RBBP6: variants seen among roughly 807,000 people sequenced by gnomAD.
RBBP6 encodes the protein E3 ubiquitin-protein ligase RBBP6.
In RBBP6, 25 loss-of-function variants were observed where a neutral mutation model predicts 167.7. That is an observed-to-expected ratio of 0.15 (90% CI 0.11 to 0.21). The LOEUF (loss-of-function observed/expected upper bound fraction) is 0.21, where lower values mean the gene tolerates loss of function less well. Ranked by LOEUF, RBBP6 falls within the 10% of genes least tolerant of loss-of-function variation. RBBP6 has a pLI of 1.00. For synonymous variants in RBBP6, 789 were observed against 735.8 expected (o/e 1.07, Z -1.17); for missense variants, 1,868 against 2,134.2 (o/e 0.88, Z 2.46).
At chr16:24,553,972 T>C (rs1898858767) in intron 4 of RBBP6, 2 of 154,998 alleles carry the variant, frequency 1.3e-5, no homozygotes, top group Admixed American at 1.3e-4. Flanking sequence ...TTTGACTTGA[T>C]CCCATGAAGG....
intron 4 of RBBP6, chr16:24,555,399 C>T (rs1260107424): frequency 1.1e-5 from 5 of 449,864 alleles, no homozygotes; most frequent in Non-Finnish European, 2.0e-5. Context: ...GGTTTGAGTG[C>T]CCCCAGAATG....
chr16:24,546,543 G>A (rs1413254303), intron 2 of RBBP6, among the ~76,000 whole-genome samples: 1 of 152,124 alleles, frequency 6.6e-6, no homozygotes, highest in Admixed American at 6.6e-5. Context: ...CATTATTTCT[G>A]TGCCTTTCTT....
chr16:24,568,921 A>T lies in RBBP6; in HGVS notation c.2231A>T (p.Tyr744Phe), dbSNP rs764310866. 1.5e-5 allele frequency: 24 copies of T among 1,614,124 alleles called. No individual in the cohort carries two copies. In the South Asian group the frequency reaches 2.3e-4, roughly 16 times the overall value. Residue 744 changes from tyrosine to phenylalanine, a missense_variant, in exon 17 of 18, where the codon TAC becomes TTC. Physicochemically the swap from Tyr to Phe is conservative, Grantham distance 22. Coordinates refer to ENST00000319715, the MANE Select transcript of RBBP6 (RefSeq NM_006910.5). ...AGAGGCAGAGGCAAGAGCCGCAATT[A>T]CCGTTCACGGTCTAGATCTCATGGA... ...PRRGRGKSRN[Y>F]RSRSRSHGYH...
In RBBP6 at chr16:24,571,895, G is replaced by T. The variant is rs1331359663; in HGVS notation, c.4829G>T (p.Ser1610Ile). 1.9e-6 allele frequency: 3 copies of T among 1,613,952 alleles called. No individual in the cohort carries two copies. Among genetic ancestry groups the T allele is most frequent in the African/African-American group, 2.7e-5 (2 of 74,918 alleles). The change falls in exon 18 of 18, where the codon AGT (serine) becomes ATT (isoleucine). Residue 1610 changes from serine to isoleucine, a missense_variant. Coordinates refer to ENST00000319715, the MANE Select transcript of RBBP6 (RefSeq NM_006910.5). ...KEQITGQIDK[S>I]TVKPKPQLSH... ...CAAATTACTGGGCAAATTGACAAGA[G>T]TACTGTCAAGCCTAAACCCCAGTTA...
intron 13 of RBBP6, among the ~76,000 whole-genome samples, 194 bp from the exon 14 acceptor site, chr16:24,564,603 A>G (rs1899148453): frequency 6.6e-6 from 1 of 152,228 alleles, no homozygotes; most frequent in Admixed American, 6.5e-5. Flanking sequence ...GATACAGTTA[A>G]TTGGTGGGGG....
rs771691589 is a variant in RBBP6, at chr16:24,569,873, A to C, written c.3183A>C (p.Lys1061Asn). 2.5e-6 allele frequency: 4 copies of C among 1,610,618 alleles called. No individual in the cohort carries two copies. The South Asian group carries it at 4.4e-5, about 18-fold the overall frequency. Residue 1061 changes from lysine to asparagine, a missense_variant, in exon 17 of 18, where the codon AAA becomes AAC. Coordinates refer to ENST00000319715, the MANE Select transcript of RBBP6 (RefSeq NM_006910.5). ...RSPRSEPPIKKAKEETPKTDN... is the reference protein window; with the variant it reads ...RSPRSEPPIKNAKEETPKTDN... ...CTCGATCTGAACCTCCAATTAAAAA[A>C]GCCAAAGAGGAGACTCCGAAGACTG...
At chr16:24,563,584 C>T (rs1899122841) in intron 12 of RBBP6, 26 bp from the exon 13 acceptor site, 8 of 1,611,172 alleles carry the variant, frequency 5.0e-6, no homozygotes, top group Non-Finnish European at 6.8e-6. Flanking sequence ...TTGTATTTAC[C>T]TACTGCTTTT....
intron 1 of RBBP6, among the ~76,000 whole-genome samples, chr16:24,544,570 C>G (rs1898588978): frequency 6.6e-6 from 1 of 152,134 alleles, no homozygotes; most frequent in Admixed American, 6.5e-5. Context: ...TGCAGAGTAA[C>G]TTTAAGTGAA....
chr16:24,564,728 A>G lies in RBBP6; in HGVS notation c.1521-69A>G, dbSNP rs557737727. 4.6e-5 allele frequency: 70 copies of G among 1,527,596 alleles called. No individual in the cohort carries two copies. In the African/African-American group the frequency reaches 6.3e-4, roughly 14 times the overall value. 94.6% of individuals were successfully genotyped at this position (1,527,596 alleles called of 1,614,324 possible). A position where few individuals can be genotyped will look rare whatever the true frequency, so the allele number is the denominator to read the frequency against. On this transcript the variant is annotated intron_variant, in intron 13 of 17. Transcript: ENST00000319715. ...AGTTAAAATTGGTGTCTTAACAGCT[A>G]TGCATGGAAAGGTCATGTATTATAC... is the stretch of plus-strand genomic sequence containing the variant.
intron 3 of RBBP6, among the ~76,000 whole-genome samples, chr16:24,552,121 G>A (rs1258451606): frequency 4.6e-5 from 7 of 151,718 alleles, no homozygotes; most frequent in African/African-American, 1.7e-4. Context: ...CCTTAATGTG[G>A]AGCAAAGAAC....
chr16:24,558,703 A>C (rs1898976949), intron 7 of RBBP6, among the ~76,000 whole-genome samples: 1 of 152,160 alleles, frequency 6.6e-6, no homozygotes, highest in Non-Finnish European at 1.5e-5. Flanking sequence ...GTCTGAGAAT[A>C]GCTATTTTTA....
At chr16:24,567,072 G>A (rs1899212072) in intron 14 of RBBP6, 71 bp from the exon 15 acceptor site, 3 of 1,453,134 alleles carry the variant, frequency 2.1e-6, no homozygotes, top group East Asian at 2.3e-5. Flanking sequence ...ATTATGGATA[G>A]AAGAGATAAG....
chr16:24,557,933 C>CGTTG (rs1898958445), intron 7 of RBBP6, among the ~76,000 whole-genome samples: 1 of 152,180 alleles, frequency 6.6e-6, no homozygotes, highest in Non-Finnish European at 1.5e-5. Context: ...AAACTCCCAA[C>CGTTG]CCTGCTCACT....
At chr16:24,540,820 T>G in intron 1 of RBBP6, 28 bp downstream of exon 1, 2 of 1,598,550 alleles carry the variant, frequency 1.3e-6, no homozygotes, top group South Asian at 1.1e-5. Context: ...TTAAGATATT[T>G]GGTGGCTGGA....
intron 2 of RBBP6, 35 bp from the exon 3 acceptor site, chr16:24,548,910 C>G: frequency 6.6e-7 from 1 of 1,524,180 alleles, no homozygotes; most frequent in South Asian, 1.2e-5. Context: ...TCATAAATAG[C>G]TAATGTTAAT....
At chr16:24,552,839 GATTAA>G (rs1298220975) in intron 3 of RBBP6, among the ~76,000 whole-genome samples, 2 of 151,802 alleles carry the variant, frequency 1.3e-5, no homozygotes, top group Non-Finnish European at 3.0e-5. Context: ...TGCTCTGTGT[GATTAA>G]ATTAACTTTC....
intron 3 of RBBP6, chr16:24,549,215 A>T (rs940784120): frequency 2.8e-6 from 4 of 1,411,716 alleles, no homozygotes; most frequent in Middle Eastern, 2.6e-4. Context: ...ATTAAATATG[A>T]TAGCATTATC....
chr16:24,545,511 A>G (rs1898622378), intron 1 of RBBP6, among the ~76,000 whole-genome samples: 1 of 152,182 alleles, frequency 6.6e-6, no homozygotes, highest in Non-Finnish European at 1.5e-5. Flanking sequence ...TTATTTTCTT[A>G]GGCTCTTCAA....
Position 24,559,496 on chromosome 16 carries a change from C to CT in RBBP6, c.675-5dup. ...AACAATGGTAAAACATGAAAACTTT[C>CT]TTTTACAGAGAAGCATATGCAATTG... On this transcript the variant is annotated splice_polypyrimidine_tract_variant and intron_variant, in intron 7 of 17. Transcript: ENST00000319715. 6.3e-7 allele frequency: 1 copy of CT among 1,586,352 alleles called. No homozygotes were observed.
Sources: allele counts gnomAD v4.1 joint callset (sites outside exome capture counted in the v4.1 genomes callset), GRCh38; gene constraint gnomAD v4.1.1; transcripts MANE v1.5; gene names NCBI Gene and HGNC (gene_info 2026-07-23, HGNC 2026-07-21).